Variants in TLE4 observed in about 807,000 individuals in gnomAD.
The protein encoded by TLE4 is transducin-like enhancer protein 4.
TLE4 carries 8 observed loss-of-function variants against 92.8 expected under a neutral mutation model. The observed-to-expected ratio is 0.09, with a 90% confidence interval of 0.05 to 0.16. The LOEUF (loss-of-function observed/expected upper bound fraction) is 0.16, where lower values mean the gene tolerates loss of function less well. Ranked by LOEUF, TLE4 falls within the 10% of genes least tolerant of loss-of-function variation. The pLI is 1.00. For synonymous variants in TLE4, 371 were observed against 374.1 expected (o/e 0.99, Z 0.10); for missense variants, 675 against 997.6 (o/e 0.68, Z 4.36).
intron 8 of TLE4, among the ~76,000 whole-genome samples, chr9:79,696,810 A>G (rs1056704125): frequency 6.6e-6 from 1 of 152,348 alleles, no homozygotes; most frequent in South Asian, 2.1e-4. Flanking sequence ...TTGTCAAAGC[A>G]GCTGTTATGC....
intron 4 of TLE4, among the ~76,000 whole-genome samples, chr9:79,583,760 T>C (rs1302762807): frequency 6.6e-6 from 1 of 152,194 alleles, no homozygotes; most frequent in Non-Finnish European, 1.5e-5. Context: ...CTGGAAAGAA[T>C]AGTCATAGTA....
In TLE4 at chr9:79,572,671, C is replaced by T. The variant is rs890371636; in HGVS notation, c.-120C>T. The stretch of plus-strand genomic sequence containing the variant: ...CGAGACCCGGCGGGGGCCGGGACCG[C>T]CCGAGCCGCCCCTCAGACCGAGCCG... On this transcript the variant is annotated 5_prime_UTR_variant, in exon 1 of 20. Coordinates refer to ENST00000376552, the MANE Select transcript of TLE4 (RefSeq NM_007005.6). 8 of 948,218 alleles carry T rather than the reference C, an allele frequency of 8.4e-6. No individual in the cohort carries two copies. Among genetic ancestry groups the T allele is most frequent in the African/African-American group, 5.3e-5 (3 of 57,028 alleles). 58.7% of individuals were successfully genotyped at this position (948,218 alleles called of 1,614,324 possible).
At chr9:79,655,144 A>AATAC (rs200567926) in intron 8 of TLE4, among the ~76,000 whole-genome samples, 2,120 of 152,022 alleles carry the variant, frequency 0.014, 89 homozygotes, top group Admixed American at 0.076. Context: ...CTGTCTCAAA[A>AATAC]ATACATACAT....
chr9:79,579,597 A>G lies in TLE4; in HGVS notation c.252+3420A>G, dbSNP rs781153692. On this transcript the variant is annotated intron_variant, in intron 4 of 19. Transcript: ENST00000376552. ...GAAATTTTAGAAATCTAAAACGCATAGAATCTGAAAGTAAGTACTGCACAT... is the reference window on the plus strand; with the variant it reads ...GAAATTTTAGAAATCTAAAACGCATGGAATCTGAAAGTAAGTACTGCACAT... Among the ~76,000 whole-genome samples the G allele has an allele frequency of 8.9e-4, 135 of 152,204 alleles. 1 individual carries two copies. Among genetic ancestry groups the G allele is most frequent in the Non-Finnish European group, 1.4e-3 (97 of 68,030 alleles).
chr9:79,606,500 A>G (rs1039829792), intron 4 of TLE4, among the ~76,000 whole-genome samples: 7 of 151,158 alleles, frequency 4.6e-5, no homozygotes, highest in Non-Finnish European at 1.0e-4. Flanking sequence ...TACATTAGGT[A>G]TTTCTCCTAA....
At chr9:79,581,902 C>G (rs2132040067) in intron 4 of TLE4, among the ~76,000 whole-genome samples, 1 of 152,276 alleles carries the variant, frequency 6.6e-6, no homozygotes, top group South Asian at 2.1e-4. Flanking sequence ...TTGCAGACTG[C>G]TTTCAGTGGG....
At chr9:79,591,808 A>G (rs1316569751) in intron 4 of TLE4, among the ~76,000 whole-genome samples, 1 of 152,290 alleles carries the variant, frequency 6.6e-6, no homozygotes, top group South Asian at 2.1e-4. Context: ...ATAGAAAAAG[A>G]TACTTTAGAA....
intron 4 of TLE4, among the ~76,000 whole-genome samples, chr9:79,581,842 G>T (rs2039761564): frequency 6.6e-6 from 1 of 152,098 alleles, no homozygotes; most frequent in Non-Finnish European, 1.5e-5. Flanking sequence ...TGAGTTGGGG[G>T]ATTCTCTGCA....
At chr9:79,721,933 G>A (rs1223032579) in intron 17 of TLE4, 45 bp downstream of exon 17, 3 of 1,579,892 alleles carry the variant, frequency 1.9e-6, no homozygotes, top group Admixed American at 3.8e-5. Context: ...GTTTTAGGCT[G>A]AGGTGGGCGG....
intron 14 of TLE4, among the ~76,000 whole-genome samples, chr9:79,710,705 C>T (rs1343637012): frequency 1.3e-5 from 2 of 152,198 alleles, no homozygotes; most frequent in Non-Finnish European, 2.9e-5. Flanking sequence ...TATGTCAGAG[C>T]GTTCTGCCCT....
intron 19 of TLE4, 47 bp from the exon 20 acceptor site, chr9:79,724,990 A>AT (rs762403693): frequency 1.5e-5 from 21 of 1,430,852 alleles, no homozygotes; most frequent in Non-Finnish European, 1.6e-5. Flanking sequence ...TACTCATGGG[A>AT]TTTTCTTTCA....
chr9:79,672,895 A>G (rs764356560), intron 8 of TLE4, among the ~76,000 whole-genome samples: 14 of 152,186 alleles, frequency 9.2e-5, no homozygotes, highest in Admixed American at 2.6e-4. Context: ...TACAGCGACA[A>G]TTAGAGTTAT....
chr9:79,685,073 TG>T (rs1377354826), intron 8 of TLE4, among the ~76,000 whole-genome samples: 2 of 152,184 alleles, frequency 1.3e-5, no homozygotes, highest in African/African-American at 4.8e-5. Flanking sequence ...ACTAGAACCG[TG>T]GCAGCCTTAC....
At chr9:79,715,697 T>TCC (rs1414093733) in intron 14 of TLE4, among the ~76,000 whole-genome samples, 2 of 152,124 alleles carry the variant, frequency 1.3e-5, no homozygotes, top group East Asian at 3.9e-4. Flanking sequence ...CTGAGAGTCT[T>TCC]CCACTACCCA....
intron 4 of TLE4, among the ~76,000 whole-genome samples, chr9:79,584,780 G>A (rs1008777102): frequency 2.0e-5 from 3 of 152,222 alleles, no homozygotes; most frequent in African/African-American, 7.2e-5. Flanking sequence ...CTTGGAAAGA[G>A]GAAGCAAAAG....
At chr9:79,690,619 T>A (rs2066849060) in intron 8 of TLE4, among the ~76,000 whole-genome samples, 2 of 151,810 alleles carry the variant, frequency 1.3e-5, no homozygotes, top group African/African-American at 4.8e-5. Flanking sequence ...GCTTCTTTTT[T>A]TTTTTCTTTT....
intron 6 of TLE4, among the ~76,000 whole-genome samples, chr9:79,633,383 A>C (rs1215134207): frequency 6.6e-6 from 1 of 152,170 alleles, no homozygotes; most frequent in African/African-American, 2.4e-5. Context: ...CAGCAATGCT[A>C]CAATTTTTCT....
At chr9:79,628,916 A>G (rs2053446331) in intron 6 of TLE4, among the ~76,000 whole-genome samples, 1 of 151,336 alleles carries the variant, frequency 6.6e-6, no homozygotes, top group Non-Finnish European at 1.5e-5. Context: ...GTGTATATGT[A>G]TAAACCAGCT....
intron 8 of TLE4, among the ~76,000 whole-genome samples, chr9:79,703,114 G>C (rs1334736798): frequency 1.3e-5 from 2 of 151,924 alleles, no homozygotes; most frequent in African/African-American, 4.8e-5. Flanking sequence ...TTATAAATGA[G>C]GAAGAGCTTT....
Sources: gnomAD v4.1 joint callset for allele counts (sites outside exome capture counted in the v4.1 genomes callset) on GRCh38, gnomAD v4.1.1 for gene constraint, MANE v1.5 for transcripts, NCBI Gene and HGNC (gene_info 2026-07-23, HGNC 2026-07-21) for gene names.